The following SMARCA4 variants were observed in gnomAD, a reference collection of about 807,000 sequenced individuals.
SMARCA4 encodes SWI/SNF related BAF chromatin remodeling complex subunit ATPase 4.
In SMARCA4, 31 loss-of-function variants were observed where a neutral mutation model predicts 193.9. The ratio of observed to expected loss-of-function variants is 0.16; its 90% CI spans 0.12 to 0.22. The LOEUF (loss-of-function observed/expected upper bound fraction) is 0.22, where lower values mean the gene tolerates loss of function less well. Ranked by LOEUF, SMARCA4 falls within the 10% of genes least tolerant of loss-of-function variation. The pLI, the probability that SMARCA4 is intolerant of heterozygous loss-of-function variation, is 1.00. For missense variants in SMARCA4, 1,148 were observed against 2,296.0 expected (o/e 0.50, Z 10.22); for synonymous variants, 942 against 933.1 (o/e 1.01, Z -0.17).
At chr19:10,972,655 C>G (rs2084771115) in intron 1 of SMARCA4, among the ~76,000 whole-genome samples, 1 of 152,164 alleles carries the variant, frequency 6.6e-6, no homozygotes, top group Non-Finnish European at 1.5e-5. Flanking sequence ...TTCTGCATCT[C>G]CCTGCCCACT....
At chr19:10,991,015 C>T in intron 7 of SMARCA4, 135 bp from the exon 8 acceptor site, 2 of 1,418,468 alleles carry the variant, frequency 1.4e-6, no homozygotes, top group Non-Finnish European at 1.9e-6. Flanking sequence ...ACGTCCCCTG[C>T]ACACACGGAC....
intron 30 of SMARCA4, among the ~76,000 whole-genome samples, chr19:11,045,640 CA>C (rs2075860733): frequency 6.6e-6 from 1 of 151,562 alleles, no homozygotes. Context: ...AGTGTTAGTC[CA>C]CTTTTTTTTT....
Position 10,987,693 on chromosome 19 carries a change from C to T in SMARCA4, c.887C>T (p.Thr296Met), listed in dbSNP as rs781066262. The T allele has an allele frequency of 1.1e-5, 17 of 1,612,770 alleles. No individual in the cohort carries two copies. Among genetic ancestry groups the T allele is most frequent in the South Asian group, 3.3e-5 (3 of 91,064 alleles). The change falls in exon 6 of 35, where the codon ACG becomes ATG. Residue 296 changes from threonine (T) to methionine (M), a missense_variant. By Grantham distance (81) the Thr-to-Met change is moderately conservative. This residue lies in a region of SMARCA4 where 257 missense variants were observed against 276.5 expected (regional missense o/e 0.93). Coordinates refer to ENST00000344626, the MANE Select transcript of SMARCA4 (RefSeq NM_003072.5). This position sits in a 1 kb window ranked among gnomAD's most constrained non-coding sequence, Gnocchi z 5.3. ...CCCATGGCGAATGCTGCTGCCCCCACGAGCACCCCTCAGAAGCTGATTCCC... is the reference window on the plus strand; with the variant it reads ...CCCATGGCGAATGCTGCTGCCCCCATGAGCACCCCTCAGAAGCTGATTCCC... ...EGPMANAAAP[T>M]STPQKLIPPQ... is the part of the protein sequence containing the mutation.
chr19:11,015,751 A>G (rs567569362), intron 16 of SMARCA4, among the ~76,000 whole-genome samples: 1 of 152,264 alleles, frequency 6.6e-6, no homozygotes, highest in African/African-American at 2.4e-5. Context: ...TCACTCCTGT[A>G]ATCCCAGCAC....
chr19:11,025,364 G>C, intron 21 of SMARCA4, 58 bp from the exon 22 acceptor site: 4 of 1,074,134 alleles, frequency 3.7e-6, no homozygotes, highest in Admixed American at 1.7e-5. Flanking sequence ...CATCCACCAA[G>C]CCCACCCCAC....
intron 6 of SMARCA4, among the ~76,000 whole-genome samples, chr19:10,988,178 T>G (rs1284865620): frequency 6.6e-6 from 1 of 152,004 alleles, no homozygotes; most frequent in African/African-American, 2.4e-5. Flanking sequence ...TGGAGTGCAA[T>G]GGCACAATCT....
rs1212313030 is a variant in SMARCA4, at chr19:10,986,045, C to T, written c.356-144C>T. ...GGCTGAGGTGCCTTCAGCATGTGCCCTCCAGGTGCCCCTGGTTGACTCAAG... is the reference window on the plus strand; with the variant it reads ...GGCTGAGGTGCCTTCAGCATGTGCCTTCCAGGTGCCCCTGGTTGACTCAAG... On this transcript the variant is annotated intron_variant, in intron 3 of 34. Transcript: ENST00000344626. This position sits in a 1 kb window ranked among gnomAD's most constrained non-coding sequence, Gnocchi z 6.7. 5.3e-6 allele frequency: 4 copies of T among 748,226 alleles called. No individual in the cohort carries two copies. Among genetic ancestry groups the T allele is most frequent in the South Asian group, 4.6e-5 (3 of 64,722 alleles). 46.3% of individuals were successfully genotyped at this position (748,226 alleles called of 1,614,324 possible). A position where few individuals can be genotyped will look rare whatever the true frequency, so the allele number is the denominator to read the frequency against.
chr19:10,991,622 C>G (rs2086571979), intron 8 of SMARCA4, among the ~76,000 whole-genome samples: 2 of 152,160 alleles, frequency 1.3e-5, no homozygotes, highest in Admixed American at 1.3e-4. Context: ...TGGGGGAGTT[C>G]TTTCTTTTGG....
intron 1 of SMARCA4, among the ~76,000 whole-genome samples, chr19:10,970,880 A>G (rs570723006): frequency 4.9e-4 from 74 of 152,310 alleles, no homozygotes; most frequent in Admixed American, 9.8e-4. Context: ...AGTTGGTGTC[A>G]AAAGTGCTGT....
intron 18 of SMARCA4, among the ~76,000 whole-genome samples, chr19:11,020,260 A>G (rs954056301): frequency 1.3e-5 from 2 of 152,178 alleles, no homozygotes; most frequent in Non-Finnish European, 2.9e-5. Flanking sequence ...CAGCGTGGCC[A>G]TGACTGAGAA....
In SMARCA4 at chr19:10,984,173, CT is replaced by C. The variant is rs2085803076; in HGVS notation, c.23del (p.Leu8ArgfsTer35). On this transcript the variant is annotated frameshift_variant, in exon 2 of 35. Transcript: ENST00000344626. LOFTEE classifies it high-confidence loss of function. This position sits in a 1 kb window ranked among gnomAD's most constrained non-coding sequence, Gnocchi z 4.3. ...GAAGATGTCCACTCCAGACCCACCC[CT>C]GGGCGGAACTCCTCGGCCAGGTCCT... is the stretch of plus-strand genomic sequence containing the variant. MSTPDPP[L>X]GGTPRPGPSP... The C allele has an allele frequency of 6.2e-7, 1 of 1,613,502 alleles. No individual in the cohort carries two copies. Among genetic ancestry groups the C allele is most frequent in the African/African-American group, 1.3e-5 (1 of 74,932 alleles).
intron 14 of SMARCA4, among the ~76,000 whole-genome samples, chr19:11,008,913 G>A (rs539095806): frequency 6.7e-6 from 1 of 149,004 alleles, no homozygotes; most frequent in East Asian, 2.0e-4. Flanking sequence ...GGAGGAGGCT[G>A]CAGTGAGCTG....
In SMARCA4 at chr19:10,970,520, T is replaced by C. The variant is rs1162389461; in HGVS notation, c.-32+9346T>C. Among the ~76,000 whole-genome samples, 3 of 152,178 alleles carry C rather than the reference T, an allele frequency of 2.0e-5. No individual in the cohort carries two copies. The East Asian group carries it at 5.8e-4, about 29-fold the overall frequency. ...CTGCAGTGTCCAGCTCCTGGGCTCA[T>C]GTCATGCTCCCGAGTAGCTGGGACT... On this transcript the variant is annotated intron_variant, in intron 1 of 34. Coordinates refer to ENST00000344626, the MANE Select transcript of SMARCA4 (RefSeq NM_003072.5).
At chr19:10,989,524 C>G (rs1017668760) in intron 7 of SMARCA4, 81 bp downstream of exon 7, 29 of 1,542,482 alleles carry the variant, frequency 1.9e-5, no homozygotes, top group Non-Finnish European at 2.6e-5. Flanking sequence ...TACGGCTTGC[C>G]TGGCTAGTAT....
chr19:11,059,667 G>A (rs2076742807), intron 32 of SMARCA4, 86 bp from the exon 33 acceptor site: 1 of 1,441,962 alleles, frequency 6.9e-7, no homozygotes, highest in African/African-American at 1.4e-5. Context: ...GGGCAACACA[G>A]GGCTGGGGCT....
chr19:11,003,208 T>A (rs538694619), intron 12 of SMARCA4, 49 bp downstream of exon 12: 6 of 1,613,180 alleles, frequency 3.7e-6, no homozygotes, highest in Non-Finnish European at 5.1e-6. Context: ...AAGTCCTCGG[T>A]GGGCCTTGTT....
At chr19:11,002,893 AT>A in intron 11 of SMARCA4, 135 bp from the exon 12 acceptor site, 2 of 878,996 alleles carry the variant, frequency 2.3e-6, no homozygotes, top group Non-Finnish European at 3.8e-6. Context: ...CAGTTTACGC[AT>A]TTTCCCACCA....
At chr19:10,997,965 T>C (rs536290586) in intron 11 of SMARCA4, among the ~76,000 whole-genome samples, 93 of 152,342 alleles carry the variant, frequency 6.1e-4, no homozygotes, top group Non-Finnish European at 1.1e-3. Flanking sequence ...TGGCCAGTTT[T>C]TCCAGTTATC....
At chr19:11,055,501 T>C (rs2076494351) in intron 30 of SMARCA4, among the ~76,000 whole-genome samples, 1 of 152,034 alleles carries the variant, frequency 6.6e-6, no homozygotes, top group African/African-American at 2.4e-5. Context: ...CCTTGTTTTT[T>C]TTTTGCTGCC....
Sources: gnomAD v4.1 joint callset for allele counts (sites outside exome capture counted in the v4.1 genomes callset) on GRCh38, gnomAD v4.1.1 for gene constraint, gnomAD v4.1.1 regional missense constraint, Gnocchi (gnomAD v3.1) non-coding constraint, MANE v1.5 for transcripts, NCBI Gene and HGNC (gene_info 2026-07-23, HGNC 2026-07-21) for gene names.